Variants in STAMBP observed in about 807,000 individuals in gnomAD.
STAMBP encodes STAM-binding protein.
A neutral mutation model predicts 50.7 loss-of-function variants in STAMBP; 31 were observed. The ratio of observed to expected loss-of-function variants is 0.61; its 90% CI spans 0.46 to 0.83. The LOEUF (loss-of-function observed/expected upper bound fraction) is 0.83, where lower values mean the gene tolerates loss of function less well. Ranked by LOEUF, STAMBP falls within the 40% of genes least tolerant of loss-of-function variation. STAMBP has a pLI of 0.00. For synonymous variants in STAMBP, 211 were observed against 192.4 expected (o/e 1.10, Z -0.80); for missense variants, 472 against 518.9 (o/e 0.91, Z 0.88).
chr2:73,831,059 C>A lies in STAMBP; in HGVS notation c.203C>A (p.Thr68Lys). 2 of 1,613,332 alleles carry A rather than the reference C, an allele frequency of 1.2e-6. No individual in the cohort carries two copies. The highest frequency in any genetic ancestry group is 1.7e-6 in the Non-Finnish European group (2 of 1,179,242). The change falls in exon 2 of 10, where the codon ACG (threonine) becomes AAG (lysine). Residue 68 changes from threonine to lysine, a missense_variant and splice_region_variant. By Grantham distance (78) the Thr-to-Lys change is moderately conservative (BLOSUM62 -1). Transcript: ENST00000394070. ...HAFILYNKYI[T>K]LFIEKLPKHR... The stretch of plus-strand genomic sequence containing the variant: ...TTCATCCTCTATAACAAGTATATCA[C>A]GTAAGACACCTACAGTTTCCTTTTT...
rs768957874 is a variant in STAMBP at position 73,862,261 on chromosome 2, C to G, written c.*2C>G. Reference sequence around the variant, plus strand: ...GTGACCATCACAGACCTTCGATGAGCGTTTGAGTCCAACACCTTCCAAGAA... The same window carrying G: ...GTGACCATCACAGACCTTCGATGAGGGTTTGAGTCCAACACCTTCCAAGAA... On this transcript the variant is annotated 3_prime_UTR_variant, in exon 10 of 10. Coordinates refer to ENST00000394070, the MANE Select transcript of STAMBP (RefSeq NM_213622.4). 1.9e-6 allele frequency: 3 copies of G among 1,610,694 alleles called. No individual in the cohort carries two copies. Among genetic ancestry groups the G allele is most frequent in the African/African-American group, 2.7e-5 (2 of 74,734 alleles).
At position 73,867,103 on chromosome 2, in the gene STAMBP, C is replaced by G. The variant is rs1327763760; in HGVS notation, c.*4844C>G. ...CAACTTTGTCTTTTTCACCTTTGTA[C>G]TGAGTCCCCTGACATGGAATAAGAT... On this transcript the variant is annotated 3_prime_UTR_variant, in exon 10 of 10. Transcript: ENST00000394070. 3 of 152,220 alleles carry G rather than the reference C, an allele frequency of 2.0e-5. No homozygotes were observed. Among genetic ancestry groups the G allele is most frequent in the Non-Finnish European group, 4.4e-5 (3 of 68,046 alleles). The allele number at this position is 152,220 out of a possible 1,614,324, so 9.4% of individuals were successfully genotyped here.
In STAMBP at chr2:73,860,583, CA is replaced by C. The variant is rs571878872; in HGVS notation, c.1218+433del. ...AGGCAAAGGAAAAGAGAAGCCACTT[CA>C]GATAGGTAAATTAAGTATATTTGTA... On this transcript the variant is annotated intron_variant, in intron 9 of 9. Transcript: ENST00000394070. The C allele has an allele frequency of 2.9e-5, 29 of 983,856 alleles. No homozygotes were observed. The East Asian group carries it at 1.2e-3, about 42-fold the overall frequency. 60.9% of individuals were successfully genotyped at this position (983,856 alleles called of 1,614,324 possible). A position where few individuals can be genotyped will look rare whatever the true frequency, so the allele number is the denominator to read the frequency against.
chr2:73,872,314 A>G (rs997535182), intron 10 of STAMBP, among the ~76,000 whole-genome samples: 3 of 152,188 alleles, frequency 2.0e-5, no homozygotes, highest in African/African-American at 7.2e-5. Flanking sequence ...TGGGCAGGCA[A>G]AGGCAACAGA....
At chr2:73,845,751 C>T (rs1313891230) in intron 4 of STAMBP, among the ~76,000 whole-genome samples, 4 of 151,970 alleles carry the variant, frequency 2.6e-5, no homozygotes, top group Non-Finnish European at 5.9e-5. Context: ...CCTACCTCAG[C>T]CTCCCGAGTG....
intron 2 of STAMBP, among the ~76,000 whole-genome samples, chr2:73,833,059 T>A (rs1365109777): frequency 6.6e-6 from 1 of 152,112 alleles, no homozygotes; most frequent in African/African-American, 2.4e-5. Context: ...CACCCCATAG[T>A]GGAGGTTGTG....
Position 73,834,605 on chromosome 2 carries a change from A to G in STAMBP, c.203+3546A>G, listed in dbSNP as rs560787534. Among the ~76,000 whole-genome samples, 4 of 152,186 alleles carry G rather than the reference A, an allele frequency of 2.6e-5. No individual in the cohort carries two copies. In the East Asian group the frequency reaches 7.7e-4, roughly 29 times the overall value. On this transcript the variant is annotated intron_variant, in intron 2 of 9. Coordinates refer to ENST00000394070, the MANE Select transcript of STAMBP (RefSeq NM_213622.4). ...GGCAGTGGCAGAAGTAAATCCGTGT[A>G]TAAATGGACCCACACCATTGAAACC...
rs146839476 is a variant in STAMBP at position 73,834,881 on chromosome 2, G to A, written c.203+3822G>A. 3.4e-3 allele frequency among the ~76,000 whole-genome samples: 515 copies of A among 152,280 alleles called. 4 individuals carry two copies. Among genetic ancestry groups the A allele is most frequent in the African/African-American group, 0.012 (478 of 41,542 alleles). ...AAGACCTTAGCATGTTCTGGGGATT[G>A]AAAGATCATTGTGTTTGGAGTATAG... On this transcript the variant is annotated intron_variant, in intron 2 of 9. Coordinates refer to ENST00000394070, the MANE Select transcript of STAMBP (RefSeq NM_213622.4).
chr2:73,868,434 A>T (rs527636603), downstream of STAMBP, among the ~76,000 whole-genome samples: 17 of 152,274 alleles, frequency 1.1e-4, no homozygotes, highest in South Asian at 3.5e-3. Flanking sequence ...TTTTGTCCCT[A>T]GAATGTAATG....
At position 73,847,465 on chromosome 2, in the gene STAMBP, C is replaced by A; in HGVS notation, c.454C>A (p.Gln152Lys). 1 of 1,614,170 alleles carries A rather than the reference C, an allele frequency of 6.2e-7. No individual in the cohort carries two copies. The highest frequency in any genetic ancestry group is 2.2e-5 in the East Asian group (1 of 44,884). Reference protein sequence around the residue: ...LEKEKQRVAQQKQQQLEQEQF... With the variant: ...LEKEKQRVAQKKQQQLEQEQF... ...AAAGGAAAAACAGAGGGTAGCACAA[C>A]AGAAGCAGCAGCAATTGGAACAGGA... The change falls in exon 5 of 10, where the codon CAG becomes AAG. Residue 152 changes from glutamine (Q) to lysine (K), a missense_variant. Coordinates refer to ENST00000394070, the MANE Select transcript of STAMBP (RefSeq NM_213622.4).
intron 2 of STAMBP, among the ~76,000 whole-genome samples, chr2:73,841,661 C>T (rs1335202392): frequency 6.6e-6 from 1 of 152,098 alleles, no homozygotes; most frequent in African/African-American, 2.4e-5. Flanking sequence ...CAGTGTGGCC[C>T]AGGGAAGCTA....
chr2:73,860,175 TG>T, intron 9 of STAMBP, 24 bp downstream of exon 9: 1 of 1,589,168 alleles, frequency 6.3e-7, no homozygotes, highest in Non-Finnish European at 8.6e-7. Flanking sequence ...TAAAAGAAAA[TG>T]GGGCTATGCT....
rs1056347313 is a variant in STAMBP at position 73,866,795 on chromosome 2, C to A, written c.*4536C>A. The A allele has an allele frequency of 4.6e-5, 7 of 152,198 alleles. No individual in the cohort carries two copies. Among genetic ancestry groups the A allele is most frequent in the African/African-American group, 1.4e-4 (6 of 41,408 alleles). 9.4% of individuals were successfully genotyped at this position (152,198 alleles called of 1,614,324 possible). On this transcript the variant is annotated 3_prime_UTR_variant, in exon 10 of 10. Coordinates refer to ENST00000394070, the MANE Select transcript of STAMBP (RefSeq NM_213622.4). Reference sequence around the variant, plus strand: ...AGGAGGAGACAAGGAGATAGTGACACCAGTATCTTGTCACAGAAATCAAGG... The same window carrying A: ...AGGAGGAGACAAGGAGATAGTGACAACAGTATCTTGTCACAGAAATCAAGG...
downstream of STAMBP, among the ~76,000 whole-genome samples, chr2:73,872,021 C>T (rs1320047379): frequency 6.6e-6 from 1 of 152,138 alleles, no homozygotes; most frequent in African/African-American, 2.4e-5. Context: ...GATCCACCCG[C>T]CTAGACCTCC....
chr2:73,837,510 G>A (rs560112824), intron 2 of STAMBP, among the ~76,000 whole-genome samples: 98 of 144,404 alleles, frequency 6.8e-4, no homozygotes, highest in Non-Finnish European at 1.1e-3. Flanking sequence ...GCGTGAACCC[G>A]GGAGGCGGAG....
chr2:73,867,902 A>G (rs555869169), downstream of STAMBP, among the ~76,000 whole-genome samples: 1 of 152,270 alleles, frequency 6.6e-6, no homozygotes, highest in South Asian at 2.1e-4. Flanking sequence ...AGGCGGGTGG[A>G]TCACCTGAGG....
intron 7 of STAMBP, among the ~76,000 whole-genome samples, chr2:73,854,487 T>C (rs1186244794): frequency 1.3e-5 from 2 of 152,216 alleles, no homozygotes; most frequent in Admixed American, 1.3e-4. Flanking sequence ...TTTTTTGAGA[T>C]GAGGTCTCAC....
chr2:73,836,745 G>A (rs2104303634), intron 2 of STAMBP, among the ~76,000 whole-genome samples: 1 of 152,336 alleles, frequency 6.6e-6, no homozygotes, highest in East Asian at 1.9e-4. Context: ...GCTTGAGTAA[G>A]CCCAGCTCTT....
intron 7 of STAMBP, among the ~76,000 whole-genome samples, chr2:73,858,256 A>G (rs1377920384): frequency 1.4e-5 from 2 of 139,018 alleles, no homozygotes; most frequent in Non-Finnish European, 3.0e-5. Flanking sequence ...TGCCTGCCTC[A>G]GCCTCCCGAA....
Sources: gnomAD v4.1 joint callset for allele counts (sites outside exome capture counted in the v4.1 genomes callset) on GRCh38, gnomAD v4.1.1 for gene constraint, MANE v1.5 for transcripts, NCBI Gene and HGNC (gene_info 2026-07-23, HGNC 2026-07-21) for gene names.